CPNE7: variants seen among roughly 807,000 people sequenced by gnomAD.
CPNE7 encodes the protein copine-7.
Under a neutral mutation model 66.5 loss-of-function variants are expected in CPNE7, and 78 were observed. That is an observed-to-expected ratio of 1.17 (90% confidence interval 0.98 to 1.42). CPNE7 has a LOEUF of 1.42. Among genes scored for constraint, CPNE7 ranks in the 40% most tolerant of loss-of-function variants. The pLI is 0.00. For missense variants in CPNE7, 1,012 were observed against 776.6 expected (o/e 1.30, Z -3.60); for synonymous variants, 468 against 336.7 (o/e 1.39, Z -4.27).
chr16:89,594,367 G>T (rs1039785275), intron 13 of CPNE7, among the ~76,000 whole-genome samples: 5 of 152,148 alleles, frequency 3.3e-5, no homozygotes, highest in Admixed American at 3.3e-4. Flanking sequence ...GGCTCAGAGA[G>T]GGGGAGATGG....
chr16:89,593,935 G>A (rs62068681), intron 13 of CPNE7, among the ~76,000 whole-genome samples: 14,686 of 152,200 alleles, frequency 0.096, 825 homozygotes, highest in South Asian at 0.13. Flanking sequence ...CAGTATCAGC[G>A]TCTAATAAAG....
intron 1 of CPNE7, among the ~76,000 whole-genome samples, chr16:89,576,414 G>A (rs1460001184): frequency 6.6e-6 from 1 of 152,022 alleles, no homozygotes; most frequent in African/African-American, 2.4e-5. Flanking sequence ...TCGACCAAGA[G>A]GCGCAAGGAG....
chr16:89,593,445 C>T (rs966143047), intron 13 of CPNE7, among the ~76,000 whole-genome samples: 3 of 151,628 alleles, frequency 2.0e-5, no homozygotes, highest in Non-Finnish European at 2.9e-5. Context: ...CTCCGCCTCC[C>T]GGGTTCACGC....
At chr16:89,586,864 C>A in intron 8 of CPNE7, 108 bp downstream of exon 8, 1 of 1,180,060 alleles carries the variant, frequency 8.5e-7, no homozygotes, top group Non-Finnish European at 1.2e-6. Flanking sequence ...GGCCCCAGCA[C>A]GTCTGGGGAG....
chr16:89,589,308 G>A (rs190282275), intron 10 of CPNE7, among the ~76,000 whole-genome samples: 12 of 152,154 alleles, frequency 7.9e-5, no homozygotes, highest in African/African-American at 2.9e-4. Context: ...AAGAGACTCT[G>A]CGAGGAAGGG....
intron 5 of CPNE7, 138 bp from the exon 6 acceptor site, chr16:89,585,326 C>T (rs961731548): frequency 1.5e-6 from 1 of 652,058 alleles, no homozygotes. Flanking sequence ...CAGCTCAGGG[C>T]CCCGGCGCTG....
chr16:89,582,317 G>A (rs2058968165), intron 2 of CPNE7, among the ~76,000 whole-genome samples: 2 of 152,226 alleles, frequency 1.3e-5, no homozygotes, highest in African/African-American at 4.8e-5. Flanking sequence ...GATCCAGGAA[G>A]TGCTTATTAA....
At chr16:89,576,577 G>C (rs991159190) in intron 1 of CPNE7, among the ~76,000 whole-genome samples, 1 of 152,202 alleles carries the variant, frequency 6.6e-6, no homozygotes, top group Non-Finnish European at 1.5e-5. Flanking sequence ...CGCGGTTGGG[G>C]TCCGAAGGGG....
chr16:89,587,091 A>G lies in CPNE7; in HGVS notation c.916A>G (p.Ile306Val). 1 of 1,557,380 alleles carries G rather than the reference A, an allele frequency of 6.4e-7. No homozygotes were observed. The highest frequency in any genetic ancestry group is 8.7e-7 in the Non-Finnish European group (1 of 1,152,124). The change falls in exon 9 of 15, where the codon ATC (isoleucine) becomes GTC (valine). Residue 306 changes from isoleucine to valine, a missense_variant. Transcript: ENST00000319518. ...GGACTATATCATGGGCGGCTGCCAG[A>G]TCCACTTCACCGTGAGTCCATGGCC... ...FLDYIMGGCQ[I>V]HFTVAIDFTA... is the part of the protein sequence containing the mutation.
At chr16:89,587,739 ACACGGCCCCCGTGTCACCCGCGTGTCACC>A in intron 9 of CPNE7, 3 of 140,164 alleles carry the variant, frequency 2.1e-5, no homozygotes, top group Non-Finnish European at 3.2e-5. Flanking sequence ...ACCCACAGAT[ACACGGCCCCCGTGTCACCCGCGTGTCACC>A]CACAGAAACA....
intron 9 of CPNE7, chr16:89,587,696 C>A (rs1487393181): frequency 1.1e-5 from 4 of 355,014 alleles, no homozygotes; most frequent in Non-Finnish European, 2.4e-5. Flanking sequence ...TAGATACGCA[C>A]ACCCCGTGTC....
At chr16:89,581,493 A>G (rs903093992) in intron 2 of CPNE7, among the ~76,000 whole-genome samples, 2 of 152,130 alleles carry the variant, frequency 1.3e-5, no homozygotes, top group Non-Finnish European at 1.5e-5. Context: ...TCTTTTACCC[A>G]ACATAATGTC....
rs772817847 is a variant in CPNE7, at chr16:89,586,639, T to C, written c.781-31T>C. ...CCTGGTAGGTGTTCAGAGCCACCACTCTGGGGGGCCTCTGCTTGTTCCTGC... is the reference window on the plus strand; with the variant it reads ...CCTGGTAGGTGTTCAGAGCCACCACCCTGGGGGGCCTCTGCTTGTTCCTGC... On this transcript the variant is annotated intron_variant, in intron 7 of 14. Transcript: ENST00000319518. 5.7e-6 allele frequency: 9 copies of C among 1,579,494 alleles called. No individual in the cohort carries two copies. In the South Asian group the frequency reaches 1.0e-4, roughly 17 times the overall value.
chr16:89,588,610 A>G, intron 9 of CPNE7, 65 bp from the exon 10 acceptor site: 8 of 1,599,636 alleles, frequency 5.0e-6, no homozygotes, highest in Non-Finnish European at 6.8e-6. Flanking sequence ...TGGTTTCTCT[A>G]CCTGTCAGGA....
chr16:89,594,642 C>CTTTTT lies in CPNE7; in HGVS notation c.1303-700_1303-696dup, dbSNP rs57032352. 9.2e-5 allele frequency among the ~76,000 whole-genome samples: 8 copies of CTTTTT among 86,904 alleles called. 2 individuals are homozygous for CTTTTT. In the East Asian group the frequency reaches 2.5e-3, roughly 27 times the overall value. 57.0% of individuals were successfully genotyped at this position (86,904 alleles called of 152,430 possible). A position where few individuals can be genotyped will look rare whatever the true frequency, so the allele number is the denominator to read the frequency against. On this transcript the variant is annotated intron_variant, in intron 13 of 14. Transcript: ENST00000319518. ...GATTTTATTTGAAGTTCCATTCTGC[C>CTTTTT]TTTTTTTTTTTTTTTTTTTTTTTTT...
chr16:89,578,690 G>A (rs960435321), intron 2 of CPNE7, among the ~76,000 whole-genome samples: 1 of 150,466 alleles, frequency 6.6e-6, no homozygotes, highest in African/African-American at 2.5e-5. Context: ...AACCCGGGAG[G>A]CAGAGGTTGC....
rs1440143154 is a variant in CPNE7, at chr16:89,588,691, C to G, written c.944C>G (p.Thr315Ser). 1 of 1,613,346 alleles carries G rather than the reference C, an allele frequency of 6.2e-7. No homozygotes were observed. Among genetic ancestry groups the G allele is most frequent in the Non-Finnish European group, 8.5e-7 (1 of 1,179,940 alleles). The change falls in exon 10 of 15, where the codon ACC becomes AGC. Residue 315 changes from threonine to serine, a missense_variant. Transcript: ENST00000319518. ...QIHFTVAIDF[T>S]ASNGDPRNSC... ...CCACTGCAGGTGGCCATTGACTTCA[C>G]CGCCTCCAATGGAGACCCGCGGAAC...
intron 13 of CPNE7, 59 bp from the exon 14 acceptor site, chr16:89,595,308 C>A: frequency 7.0e-7 from 1 of 1,423,324 alleles, no homozygotes; most frequent in Non-Finnish European, 9.6e-7. Context: ...CCGTGGGTTG[C>A]AGGGCGCATG....
Position 89,587,122 on chromosome 16 carries a change from C to CCTCCCCGCCCCCT in CPNE7, c.927+21_927+22insTCCCCGCCCCCTC, listed in dbSNP as rs2059056774. The CCTCCCCGCCCCCT allele has an allele frequency of 1.4e-6, 2 of 1,456,766 alleles. No homozygotes were observed. Among genetic ancestry groups the CCTCCCCGCCCCCT allele is most frequent in the South Asian group, 1.2e-5 (1 of 80,738 alleles). The allele number at this position is 1,456,766 out of a possible 1,614,324, so 90.2% of individuals were successfully genotyped here. Reference sequence around the variant, plus strand: ...TTCACCGTGAGTCCATGGCCCCGCCCCATGCCGCCCCCTCAGTCCGTGGCC... The same window carrying CCTCCCCGCCCCCT: ...TTCACCGTGAGTCCATGGCCCCGCCCCTCCCCGCCCCCTCATGCCGCCCCCTCAGTCCGTGGCC... On this transcript the variant is annotated intron_variant, in intron 9 of 14. Coordinates refer to ENST00000319518, the MANE Select transcript of CPNE7 (RefSeq NM_153636.3).
Sources: gnomAD v4.1 joint callset for allele counts (sites outside exome capture counted in the v4.1 genomes callset) on GRCh38, gnomAD v4.1.1 for gene constraint, MANE v1.5 for transcripts, NCBI Gene and HGNC (gene_info 2026-07-23, HGNC 2026-07-21) for gene names.